NOL10: variants seen among roughly 807,000 people sequenced by gnomAD.
NOL10 encodes H_NH0074G24.1.
Under a neutral mutation model 103.5 loss-of-function variants are expected in NOL10, and 58 were observed. The observed-to-expected ratio is 0.56, with a 90% confidence interval of 0.45 to 0.70. NOL10 has a LOEUF of 0.70. Ranked by LOEUF, NOL10 falls within the 30% of genes least tolerant of loss-of-function variation. NOL10 has a pLI of 0.00. For synonymous variants in NOL10, 287 were observed against 282.5 expected (o/e 1.02, Z -0.16); for missense variants, 763 against 807.3 (o/e 0.95, Z 0.67).
intron 3 of NOL10, among the ~76,000 whole-genome samples, chr2:10,680,371 G>A (rs912626211): frequency 6.9e-6 from 1 of 145,418 alleles, no homozygotes; most frequent in Non-Finnish European, 1.5e-5. Context: ...AGGGAGAAGA[G>A]GGAGAGGGAG....
chr2:10,679,681 A>G lies in NOL10; in HGVS notation c.211+2290T>C, dbSNP rs540430256. Among the ~76,000 whole-genome samples, 9 of 151,348 alleles carry G rather than the reference A, an allele frequency of 5.9e-5. 1 individual carries two copies. The highest frequency in any genetic ancestry group is 1.3e-4 in the Non-Finnish European group (9 of 67,946). ...CGCTCTGTTGCCCAGGGTGGAGCGC[A>G]GTGGCGCGATCCTGGCTTACTGCAA... On this transcript the variant is annotated intron_variant, in intron 3 of 20. Transcript: ENST00000381685.
At chr2:10,632,237 C>A (rs1395003740) in intron 13 of NOL10, among the ~76,000 whole-genome samples, 1 of 152,110 alleles carries the variant, frequency 6.6e-6, no homozygotes, top group African/African-American at 2.4e-5. Context: ...GACAAAATGA[C>A]GCCCCTGCAT....
intron 11 of NOL10, 82 bp downstream of exon 11, chr2:10,657,660 A>G: frequency 8.1e-7 from 1 of 1,235,894 alleles, no homozygotes; most frequent in Non-Finnish European, 1.1e-6. Context: ...AATAACCCAC[A>G]TAAAAAAGGA....
chr2:10,629,721 TAA>T (rs1275107394), intron 13 of NOL10, among the ~76,000 whole-genome samples: 2 of 152,226 alleles, frequency 1.3e-5, no homozygotes, highest in Non-Finnish European at 2.9e-5. Flanking sequence ...ATCTATATCT[TAA>T]GTGATTATCA....
intron 11 of NOL10, 129 bp downstream of exon 11, chr2:10,657,613 G>A (rs771853161): frequency 2.3e-5 from 16 of 690,864 alleles, no homozygotes; most frequent in Admixed American, 3.4e-5. Flanking sequence ...CTGACCTCCC[G>A]CTAAGTTCCC....
intron 3 of NOL10, among the ~76,000 whole-genome samples, chr2:10,677,140 T>C (rs1008588242): frequency 2.0e-5 from 3 of 152,044 alleles, no homozygotes; most frequent in African/African-American, 4.8e-5. Flanking sequence ...GGTTTCACCA[T>C]GTTGGCCAGG....
chr2:10,619,814 TACAA>T (rs943896345), intron 13 of NOL10, among the ~76,000 whole-genome samples: 19 of 152,210 alleles, frequency 1.2e-4, no homozygotes, highest in African/African-American at 4.6e-4. Context: ...GCACCTCGGC[TACAA>T]ACAGTCATTT....
intron 12 of NOL10, among the ~76,000 whole-genome samples, chr2:10,648,229 T>A (rs1679219892): frequency 6.6e-6 from 1 of 152,202 alleles, no homozygotes; most frequent in South Asian, 2.1e-4. Context: ...ATCATGATTA[T>A]GCTTCAATTA....
chr2:10,589,538 A>G, intron 18 of NOL10, 40 bp downstream of exon 18: 1 of 1,445,582 alleles, frequency 6.9e-7, no homozygotes, highest in Non-Finnish European at 9.3e-7. Context: ...ATTACATTAA[A>G]GAAACAGTAG....
chr2:10,618,022 T>C (rs1676921114), intron 13 of NOL10, among the ~76,000 whole-genome samples: 1 of 137,946 alleles, frequency 7.2e-6, no homozygotes, highest in African/African-American at 2.8e-5. Context: ...AACTCTGGAC[T>C]GTACACTTCA....
chr2:10,633,884 T>C (rs888534055), intron 13 of NOL10, among the ~76,000 whole-genome samples: 1 of 152,034 alleles, frequency 6.6e-6, no homozygotes, highest in African/African-American at 2.4e-5. Flanking sequence ...TGGAGTGCAG[T>C]AGCATGGTCA....
chr2:10,654,627 A>C, intron 11 of NOL10, 80 bp from the exon 12 acceptor site: 2 of 745,058 alleles, frequency 2.7e-6, no homozygotes, highest in Non-Finnish European at 4.6e-6. Flanking sequence ...GCTGTAACTC[A>C]ACCATCTACT....
chr2:10,613,693 T>C (rs1381189520), intron 13 of NOL10, among the ~76,000 whole-genome samples: 1 of 152,218 alleles, frequency 6.6e-6, no homozygotes, highest in Non-Finnish European at 1.5e-5. Context: ...TAAACTTTTA[T>C]GTTATAATGA....
chr2:10,680,201 C>T (rs148418045), intron 3 of NOL10, among the ~76,000 whole-genome samples: 5,235 of 151,818 alleles, frequency 0.034, 176 homozygotes, highest in African/African-American at 0.084. Flanking sequence ...CGCTTGAACC[C>T]GGAAGGCGGA....
intron 13 of NOL10, among the ~76,000 whole-genome samples, chr2:10,624,381 GA>G (rs1677332531): frequency 1.3e-5 from 2 of 151,810 alleles, no homozygotes; most frequent in Admixed American, 1.3e-4. Flanking sequence ...GCCCCAAGTG[GA>G]GCAGAACAGA....
chr2:10,629,687 T>C (rs1677711156), intron 13 of NOL10, among the ~76,000 whole-genome samples: 1 of 152,238 alleles, frequency 6.6e-6, no homozygotes, highest in Non-Finnish European at 1.5e-5. Context: ...ATGGCAAAAC[T>C]AATGGCACAA....
chr2:10,586,863 A>C (rs138978900), intron 19 of NOL10, among the ~76,000 whole-genome samples: 197 of 151,232 alleles, frequency 1.3e-3, no homozygotes, highest in Non-Finnish European at 2.5e-3. Context: ...GTGGTAATTG[A>C]CCCCTGACTG....
At position 10,571,791 on chromosome 2, in the gene NOL10, C is replaced by A. The variant is rs200941743; in HGVS notation, c.*280G>T. 24 of 263,034 alleles carry A rather than the reference C, an allele frequency of 9.1e-5. No homozygotes were observed. The South Asian group carries it at 1.2e-3, about 14-fold the overall frequency. 16.3% of individuals were successfully genotyped at this position (263,034 alleles called of 1,614,324 possible). ...TGTACATTTCACAATATTAAAAAAA[C>A]CCCAGCCTGGTTTTCATGATTAACG... On this transcript the variant is annotated 3_prime_UTR_variant, in exon 21 of 21. Transcript: ENST00000381685.
At chr2:10,616,608 G>A (rs1176634536) in intron 13 of NOL10, among the ~76,000 whole-genome samples, 1 of 151,630 alleles carries the variant, frequency 6.6e-6, no homozygotes, top group Non-Finnish European at 1.5e-5. Flanking sequence ...GAGTGCAGTG[G>A]TGCGATCTCA....
Sources: gnomAD v4.1 joint callset for allele counts (sites outside exome capture counted in the v4.1 genomes callset) on GRCh38, gnomAD v4.1.1 for gene constraint, MANE v1.5 for transcripts, NCBI Gene and HGNC (gene_info 2026-07-23, HGNC 2026-07-21) for gene names.